PLEKHG1: variants seen among roughly 807,000 people sequenced by gnomAD.
PLEKHG1 encodes the protein pleckstrin homology and RhoGEF domain containing G1.
In PLEKHG1, 44 loss-of-function variants were observed where a neutral mutation model predicts 100.8. That is an observed-to-expected ratio of 0.44 (90% CI 0.34 to 0.56). The LOEUF (loss-of-function observed/expected upper bound fraction) is 0.56. Among genes scored for constraint, PLEKHG1 ranks in the 20% least tolerant of loss-of-function variants. The pLI, the probability that PLEKHG1 is intolerant of heterozygous loss-of-function variation, is 0.01. For missense variants in PLEKHG1, 1,545 were observed against 1,720.9 expected, an observed-to-expected ratio of 0.90 and a Z score of 1.81; for synonymous variants, 640 against 662.5, an observed-to-expected ratio of 0.97 and a Z score of 0.52.
In PLEKHG1 at chr6:150,813,037, G is replaced by A. The variant is rs190910039; in HGVS notation, c.1278+3303G>A. Among the ~76,000 whole-genome samples, 456 of 152,224 alleles carry A rather than the reference G, an allele frequency of 3.0e-3. 1 individual carries two copies. Among genetic ancestry groups the A allele is most frequent in the Non-Finnish European group, 4.7e-3 (319 of 68,008 alleles). ...AGAACACTTGCTGGCCGGGCGCGGT[G>A]GCTCACACCTGTAATCCCAGCACTT... On this transcript the variant is annotated intron_variant, in intron 10 of 15. Coordinates refer to ENST00000358517, the Ensembl canonical transcript of PLEKHG1.
chr6:150,600,776 T>C lies in PLEKHG1; in HGVS notation c.-204+759T>C, dbSNP rs1189234306. ...TGAGCCCCGTTCCGAAGCCGGAAGC[T>C]TGGGAACGCTCTAACTGGGAGAACG... On this transcript the variant is annotated intron_variant, in intron 1 of 3. Coordinates refer to the PLEKHG1 transcript ENST00000367326. The surrounding 1 kb of genome is among the most constrained non-coding windows in gnomAD (Gnocchi z 6.2). 3 of 152,244 alleles carry C rather than the reference T, an allele frequency of 2.0e-5. No individual in the cohort carries two copies. The highest frequency in any genetic ancestry group is 7.2e-5 in the African/African-American group (3 of 41,458). 9.4% of individuals were successfully genotyped at this position (152,244 alleles called of 1,614,324 possible). A position where few individuals can be genotyped will look rare whatever the true frequency, so the allele number is the denominator to read the frequency against.
chr6:150,779,774 G>A (rs1308509363), intron 3 of PLEKHG1, among the ~76,000 whole-genome samples: 1 of 151,656 alleles, frequency 6.6e-6, no homozygotes, highest in East Asian at 2.0e-4. Flanking sequence ...AGACCATCCT[G>A]GCTAACACAG....
intron 15 of PLEKHG1, among the ~76,000 whole-genome samples, chr6:150,838,176 A>G (rs62432673): frequency 0.076 from 11,618 of 152,288 alleles, 479 homozygotes; most frequent in East Asian, 0.14. Flanking sequence ...ATCATTAAAA[A>G]TGTAAATAGC....
intron 3 of PLEKHG1, among the ~76,000 whole-genome samples, chr6:150,708,706 A>G (rs1781122269): frequency 1.3e-5 from 2 of 152,164 alleles, no homozygotes; most frequent in Admixed American, 6.5e-5. Flanking sequence ...TATATTATCT[A>G]TATATCATAG....
chr6:150,750,041 C>T (rs1191889028), intron 2 of PLEKHG1, among the ~76,000 whole-genome samples: 1 of 143,820 alleles, frequency 7.0e-6, no homozygotes, highest in Non-Finnish European at 1.5e-5. Context: ...CGCTGCACTC[C>T]AGCCTGGGTG....
At chr6:150,811,507 G>A (rs928478550) in intron 10 of PLEKHG1, among the ~76,000 whole-genome samples, 2 of 152,100 alleles carry the variant, frequency 1.3e-5, no homozygotes, top group Non-Finnish European at 2.9e-5. Context: ...CTGGGTTCAA[G>A]TGATCTGCCT....
chr6:150,603,099 A>AAAG (rs1562376032), intron 1 of PLEKHG1, among the ~76,000 whole-genome samples: 6 of 148,356 alleles, frequency 4.0e-5, no homozygotes, highest in Admixed American at 1.4e-4. Context: ...AAAAATAAAA[A>AAAG]AAAAGAAAAG....
chr6:150,658,743 C>T (rs1779068076), intron 3 of PLEKHG1, among the ~76,000 whole-genome samples: 1 of 152,194 alleles, frequency 6.6e-6, no homozygotes. Context: ...TCTCTCCTTT[C>T]CTCCTCCCTG....
At chr6:150,827,431 C>T (rs1343810132) in intron 14 of PLEKHG1, among the ~76,000 whole-genome samples, 2 of 152,068 alleles carry the variant, frequency 1.3e-5, no homozygotes, top group Non-Finnish European at 2.9e-5. Context: ...GCATGCATCA[C>T]CATGCCCGGC....
chr6:150,672,799 A>G (rs1021308117), intron 3 of PLEKHG1, among the ~76,000 whole-genome samples: 5 of 152,338 alleles, frequency 3.3e-5, no homozygotes, highest in African/African-American at 1.2e-4. Context: ...AGTAACTGCC[A>G]CCTTCTGATG....
intron 2 of PLEKHG1, among the ~76,000 whole-genome samples, chr6:150,749,404 A>T (rs1783367969): frequency 6.6e-6 from 1 of 152,192 alleles, no homozygotes; most frequent in Non-Finnish European, 1.5e-5. Context: ...GCCTTGAGAC[A>T]GAGGGAAATC....
exon 15 of PLEKHG1, chr6:150,830,687 G>A (rs768963785): frequency 1.2e-6 from 2 of 1,614,060 alleles, no homozygotes; most frequent in Admixed American, 1.7e-5. Flanking sequence ...GCTTCGAGCG[G>A]GTGGAGCTCT....
rs769776963 is a variant in PLEKHG1 at position 150,840,829 on chromosome 6, A to G, written c.4091A>G (p.Asn1364Ser). Residue 1364 changes from asparagine to serine, a missense_variant, in exon 16 of 16, where the codon AAT becomes AGT. Coordinates refer to ENST00000358517, the Ensembl canonical transcript of PLEKHG1. ...TATCTTTGGAGGGGGCCATCTCCCA[A>G]TCAACAAAATATTGTCCAGTCTCTA... 135 of 1,614,146 alleles carry G rather than the reference A, an allele frequency of 8.4e-5. 2 individuals carry two copies. In the South Asian group the frequency reaches 1.3e-3, roughly 16 times the overall value.
At chr6:150,682,120 C>T (rs1779956148) in intron 3 of PLEKHG1, among the ~76,000 whole-genome samples, 1 of 152,180 alleles carries the variant, frequency 6.6e-6, no homozygotes, top group South Asian at 2.1e-4. Context: ...CTTGTTGAGG[C>T]CATGCAGCCT....
chr6:150,617,274 C>G (rs971864967), intron 1 of PLEKHG1, among the ~76,000 whole-genome samples: 4 of 152,192 alleles, frequency 2.6e-5, no homozygotes, highest in African/African-American at 9.6e-5. Context: ...CACTTGTTTT[C>G]ATGGTGGCCC....
chr6:150,721,267 A>T, intron 1 of PLEKHG1: 2 of 700,078 alleles, frequency 2.9e-6, no homozygotes, highest in Non-Finnish European at 3.5e-6. Flanking sequence ...CTCTGGGAGC[A>T]GCCAGAGAGG....
At chr6:150,751,225 T>C (rs1331297166) in intron 2 of PLEKHG1, among the ~76,000 whole-genome samples, 1 of 152,216 alleles carries the variant, frequency 6.6e-6, no homozygotes, top group East Asian at 1.9e-4. Flanking sequence ...CTTCATGTAG[T>C]TGGAATTCAT....
intron 3 of PLEKHG1, among the ~76,000 whole-genome samples, chr6:150,700,630 CAT>C (rs1170664151): frequency 1.3e-5 from 2 of 152,232 alleles, no homozygotes; most frequent in East Asian, 3.9e-4. Context: ...TATAAACACA[CAT>C]ATCTGGCAGT....
chr6:150,828,618 A>C (rs1776745103), intron 14 of PLEKHG1, among the ~76,000 whole-genome samples: 1 of 137,178 alleles, frequency 7.3e-6, no homozygotes, highest in Non-Finnish European at 1.5e-5. Flanking sequence ...TTTGTATGGC[A>C]AAAAAAAAAA....
Sources: gnomAD v4.1 joint callset for allele counts (sites outside exome capture counted in the v4.1 genomes callset) on GRCh38, gnomAD v4.1.1 for gene constraint, Gnocchi (gnomAD v3.1) non-coding constraint, MANE v1.5 for transcripts, NCBI Gene and HGNC (gene_info 2026-07-23, HGNC 2026-07-21) for gene names.